Variants in FAM169A observed in about 807,000 individuals in gnomAD.
FAM169A encodes the protein soluble lamin-associated protein of 75 kDa.
FAM169A carries 24 observed loss-of-function variants against 75.7 expected under a neutral mutation model. The ratio of observed to expected loss-of-function variants is 0.32; its 90% CI spans 0.23 to 0.45. The LOEUF (loss-of-function observed/expected upper bound fraction) is 0.45, where lower values mean the gene tolerates loss of function less well. Among genes scored for constraint, FAM169A ranks in the 20% least tolerant of loss-of-function variants. The probability of loss-of-function intolerance (pLI) is 1.00; values close to 1 mark genes in which losing one functional copy is unlikely to be tolerated. For missense variants in FAM169A, 673 were observed against 784.0 expected, an observed-to-expected ratio of 0.86 and a Z score of 1.69; for synonymous variants, 271 against 271.0, an observed-to-expected ratio of 1.00 and a Z score of 0.00.
chr5:74,840,612 A>G (rs771624577), intron 2 of FAM169A, among the ~76,000 whole-genome samples: 57 of 151,820 alleles, frequency 3.8e-4, no homozygotes, highest in East Asian at 1.2e-3. Flanking sequence ...GGCGGATCAC[A>G]AGGTCAGGAG....
intron 1 of FAM169A, among the ~76,000 whole-genome samples, chr5:74,852,747 T>C (rs1285840799): frequency 1.3e-5 from 2 of 151,514 alleles, no homozygotes; most frequent in Non-Finnish European, 1.5e-5. Context: ...GGACAGAACA[T>C]AGCAGGCCAA....
intron 1 of FAM169A, among the ~76,000 whole-genome samples, chr5:74,853,398 T>C (rs1749545710): frequency 6.6e-6 from 1 of 152,166 alleles, no homozygotes; most frequent in African/African-American, 2.4e-5. Context: ...CTATACACCC[T>C]TTCTGAATGA....
At chr5:74,836,300 T>G (rs1748570210) in intron 4 of FAM169A, among the ~76,000 whole-genome samples, 1 of 151,380 alleles carries the variant, frequency 6.6e-6, no homozygotes, top group Non-Finnish European at 1.5e-5. Context: ...CCCTATTTAA[T>G]TTTATTATGT....
intron 6 of FAM169A, among the ~76,000 whole-genome samples, chr5:74,807,458 A>G (rs1479426450): frequency 6.6e-6 from 1 of 152,224 alleles, no homozygotes; most frequent in Non-Finnish European, 1.5e-5. Context: ...ACCACATATC[A>G]TTAGCAAAGG....
At position 74,782,825 on chromosome 5, in the gene FAM169A, C is replaced by T. The variant is rs1485669719; in HGVS notation, c.1464+106G>A. The T allele has an allele frequency of 5.9e-6, 4 of 673,934 alleles. No homozygotes were observed. In the East Asian group the frequency reaches 1.1e-4, roughly 18 times the overall value. The allele number at this position is 673,934 out of a possible 1,614,324, so 41.7% of individuals were successfully genotyped here. ...AGTATAAAAGTTAATCTTCCTAAAG[C>T]ACTGTACATGTAAAGGTGGAAGCAA... is the stretch of plus-strand genomic sequence containing the variant. On this transcript the variant is annotated intron_variant, in intron 12 of 12. Transcript: ENST00000687041.
At chr5:74,831,883 C>T (rs1748329132) in intron 5 of FAM169A, among the ~76,000 whole-genome samples, 1 of 152,064 alleles carries the variant, frequency 6.6e-6, no homozygotes, top group Non-Finnish European at 1.5e-5. Context: ...CAAGAATTAA[C>T]CATGACTTGA....
intron 6 of FAM169A, 130 bp from the exon 7 acceptor site, chr5:74,805,414 A>G (rs1746814536): frequency 1.6e-6 from 1 of 638,382 alleles, no homozygotes; most frequent in Middle Eastern, 3.9e-4. Flanking sequence ...CACCAGCAAC[A>G]CAACTCAAGT....
chr5:74,795,986 T>C, intron 11 of FAM169A, 44 bp downstream of exon 11: 1 of 1,581,868 alleles, frequency 6.3e-7, no homozygotes, highest in Admixed American at 1.8e-5. Context: ...AAAGGTAAAA[T>C]TTAGTTTACT....
intron 6 of FAM169A, among the ~76,000 whole-genome samples, chr5:74,812,128 C>A (rs1747227008): frequency 1.3e-5 from 2 of 152,154 alleles, no homozygotes; most frequent in South Asian, 4.2e-4. Flanking sequence ...ATTTTTATTT[C>A]TTTTTATTTT....
intron 1 of FAM169A, 105 bp from the exon 2 acceptor site, chr5:74,841,784 A>G (rs1364048141): frequency 2.9e-6 from 3 of 1,045,012 alleles, no homozygotes; most frequent in Non-Finnish European, 4.0e-6. Context: ...TTGTTATAAC[A>G]AGATTTTTCT....
chr5:74,834,912 C>T (rs1294223512), intron 4 of FAM169A, among the ~76,000 whole-genome samples: 2 of 151,772 alleles, frequency 1.3e-5, no homozygotes, highest in African/African-American at 4.9e-5. Flanking sequence ...CTTTCTGCTT[C>T]CAGCTGCCCA....
At chr5:74,849,568 G>A (rs1033321340) in intron 1 of FAM169A, among the ~76,000 whole-genome samples, 6 of 151,946 alleles carry the variant, frequency 3.9e-5, no homozygotes, top group Admixed American at 6.6e-5. Flanking sequence ...CTCCAACACC[G>A]AGAATAGGTT....
chr5:74,781,355 T>C lies in FAM169A; in HGVS notation c.*105A>G, dbSNP rs555077937. The stretch of plus-strand genomic sequence containing the variant: ...TAGTAAGTAAGTTCAAATTGAAATT[T>C]TGGAAATTTTTGTCCTGTGCCCCAT... On this transcript the variant is annotated 3_prime_UTR_variant, in exon 13 of 13. Coordinates refer to ENST00000687041, the MANE Select transcript of FAM169A (RefSeq NM_001376049.1). The C allele has an allele frequency of 3.0e-4, 336 of 1,107,632 alleles. 2 individuals are homozygous for C. In the South Asian group the frequency reaches 5.0e-3, roughly 16 times the overall value. 68.6% of individuals were successfully genotyped at this position (1,107,632 alleles called of 1,614,324 possible).
At chr5:74,824,708 TACACAC>T (rs60236324) in intron 5 of FAM169A, among the ~76,000 whole-genome samples, 18 of 147,398 alleles carry the variant, frequency 1.2e-4, no homozygotes, top group Middle Eastern at 3.5e-3. Flanking sequence ...TACACACACA[TACACAC>T]ACACACACAC....
At chr5:74,819,561 G>C (rs1368155360) in intron 5 of FAM169A, among the ~76,000 whole-genome samples, 1 of 152,086 alleles carries the variant, frequency 6.6e-6, no homozygotes, top group East Asian at 1.9e-4. Context: ...CACACTCCAG[G>C]AGACTTGAAG....
chr5:74,803,837 T>C (rs918672194), intron 8 of FAM169A, among the ~76,000 whole-genome samples: 1 of 152,176 alleles, frequency 6.6e-6, no homozygotes, highest in Non-Finnish European at 1.5e-5. Flanking sequence ...AACAACTTCA[T>C]AGTCTTTCAC....
At chr5:74,841,848 TC>T (rs1363670402) in intron 1 of FAM169A, among the ~76,000 whole-genome samples, 169 bp from the exon 2 acceptor site, 1 of 152,142 alleles carries the variant, frequency 6.6e-6, no homozygotes, top group Admixed American at 6.5e-5. Context: ...ACCATGCATG[TC>T]AAAAAGAAAA....
At chr5:74,805,379 G>T in intron 6 of FAM169A, 95 bp from the exon 7 acceptor site, 1 of 1,132,618 alleles carries the variant, frequency 8.8e-7, no homozygotes, top group Non-Finnish European at 1.3e-6. Context: ...CACTTAACGG[G>T]GCTAGCATAA....
chr5:74,853,334 T>C (rs1223818826), intron 1 of FAM169A, among the ~76,000 whole-genome samples: 1 of 152,200 alleles, frequency 6.6e-6, no homozygotes, highest in African/African-American at 2.4e-5. Flanking sequence ...TCGCATTGTG[T>C]TGAAACACTC....
Sources: allele counts gnomAD v4.1 joint callset (sites outside exome capture counted in the v4.1 genomes callset), GRCh38; gene constraint gnomAD v4.1.1; transcripts MANE v1.5; gene names NCBI Gene and HGNC (gene_info 2026-07-23, HGNC 2026-07-21).